DNMT3B: variants seen among roughly 807,000 people sequenced by gnomAD.
The protein encoded by DNMT3B is DNA (cytosine-5)-methyltransferase 3B.
A neutral mutation model predicts 120.2 loss-of-function variants in DNMT3B; 37 were observed. That is an observed-to-expected ratio of 0.31 (90% CI 0.24 to 0.40). DNMT3B has a LOEUF of 0.40. Among genes scored for constraint, DNMT3B ranks in the 10% least tolerant of loss-of-function variants. The pLI, the probability that DNMT3B is intolerant of heterozygous loss-of-function variation, is 1.00. For missense variants in DNMT3B, 878 were observed against 1,137.3 expected, an observed-to-expected ratio of 0.77 and a Z score of 3.28; for synonymous variants, 412 against 442.8, an observed-to-expected ratio of 0.93 and a Z score of 0.87.
At position 32,795,970 on chromosome 20, in the gene DNMT3B, A is replaced by G. The variant is rs369259746; in HGVS notation, c.1297+276A>G. On this transcript the variant is annotated intron_variant, in intron 12 of 22. Coordinates refer to ENST00000328111, the MANE Select transcript of DNMT3B (RefSeq NM_006892.4). ...AGAGCCATAACCTAAAACCAAGATT[A>G]CTGGTATCATGAACCTTCCCAAAGA... Among the ~76,000 whole-genome samples, 83 of 152,340 alleles carry G rather than the reference A, an allele frequency of 5.4e-4. 1 individual carries two copies. In the South Asian group the frequency reaches 0.016, roughly 29 times the overall value.
chr20:32,781,970 G>A (rs758349397), intron 3 of DNMT3B, among the ~76,000 whole-genome samples: 1 of 152,198 alleles, frequency 6.6e-6, no homozygotes, highest in Non-Finnish European at 1.5e-5. Context: ...TGGCAATTCA[G>A]TTATGCCAAA....
chr20:32,768,565 G>A (rs929664556), intron 1 of DNMT3B, among the ~76,000 whole-genome samples: 7 of 152,090 alleles, frequency 4.6e-5, no homozygotes, highest in Admixed American at 2.0e-4. Context: ...AGGCTCAAGT[G>A]TAATCCCAAA....
intron 1 of DNMT3B, among the ~76,000 whole-genome samples, chr20:32,771,461 T>G (rs1158290456): frequency 1.3e-5 from 2 of 152,008 alleles, no homozygotes; most frequent in African/African-American, 2.4e-5. Flanking sequence ...GCCAGCATAC[T>G]GAAACCCTAT....
At chr20:32,804,480 T>G (rs1981734075) in intron 20 of DNMT3B, among the ~76,000 whole-genome samples, 1 of 152,178 alleles carries the variant, frequency 6.6e-6, no homozygotes, top group South Asian at 2.1e-4. Context: ...ACGGTTCCCG[T>G]TCTCATGTCT....
At chr20:32,790,537 C>G (rs6057646) in intron 7 of DNMT3B, among the ~76,000 whole-genome samples, 1 of 151,978 alleles carries the variant, frequency 6.6e-6, no homozygotes, top group Non-Finnish European at 1.5e-5. Flanking sequence ...GGTTTCCCCC[C>G]ACCAGAGCCA....
At position 32,800,747 on chromosome 20, in the gene DNMT3B, G is replaced by A. The variant is rs1244694003; in HGVS notation, c.1906-88G>A. ...TGGGATTACAGGTGTGAGCCACCTC[G>A]TCCAGCCCCACGCAAGATTCTAGAA... On this transcript the variant is annotated intron_variant, in intron 17 of 22. Transcript: ENST00000328111. 27 of 1,452,880 alleles carry A rather than the reference G, an allele frequency of 1.9e-5. No individual in the cohort carries two copies. The South Asian group carries it at 2.2e-4, about 12-fold the overall frequency. The allele number at this position is 1,452,880 out of a possible 1,614,324, so 90.0% of individuals were successfully genotyped here. A position where few individuals can be genotyped will look rare whatever the true frequency, so the allele number is the denominator to read the frequency against.
At chr20:32,770,610 C>CATTT (rs58422530) in intron 1 of DNMT3B, among the ~76,000 whole-genome samples, 5 of 144,784 alleles carry the variant, frequency 3.5e-5, no homozygotes, top group Non-Finnish European at 3.0e-5. Context: ...CTCCGCCTTA[C>CATTT]TTTTTTTTTT....
In DNMT3B at chr20:32,765,758, CT is replaced by C. The variant is rs532836566; in HGVS notation, c.-7+3074del. 1.4e-3 allele frequency among the ~76,000 whole-genome samples: 94 copies of C among 67,124 alleles called. 1 individual carries two copies. The highest frequency in any genetic ancestry group is 0.013 in the African/African-American group (60 of 4,770). The allele number at this position is 67,124 out of a possible 152,430, so 44.0% of individuals were successfully genotyped here. On this transcript the variant is annotated intron_variant, in intron 1 of 22. Coordinates refer to ENST00000328111, the MANE Select transcript of DNMT3B (RefSeq NM_006892.4). The stretch of plus-strand genomic sequence containing the variant: ...TTATTTATTTATTTTTTCTTTTTTT[CT>C]TTTTTTTTTTTTTTGAGACGGAGTC...
intron 1 of DNMT3B, among the ~76,000 whole-genome samples, chr20:32,774,508 C>CT (rs386393640): frequency 0.041 from 4,026 of 98,500 alleles, 126 homozygotes; most frequent in African/African-American, 0.061. Flanking sequence ...CGCGCCTGGC[C>CT]TTTTTTTTTT....
At chr20:32,787,477 AG>A in intron 6 of DNMT3B, 26 bp downstream of exon 6, 1 of 1,604,098 alleles carries the variant, frequency 6.2e-7, no homozygotes, top group Non-Finnish European at 8.5e-7. Flanking sequence ...GCTCCTGCCC[AG>A]GGTGACTGAG....
intron 14 of DNMT3B, 49 bp downstream of exon 14, chr20:32,797,348 C>CT: frequency 2.5e-6 from 4 of 1,570,454 alleles, no homozygotes; most frequent in Non-Finnish European, 3.5e-6. Flanking sequence ...CCCAAGGCTC[C>CT]TACGTTCCTG....
rs79258868 is a variant in DNMT3B at position 32,767,834 on chromosome 20, A to G, written c.-7+5135A>G. ...GAGGGGACTTGGGAGTCAAGGGTCTAACTCTTCCTTTGGAAGAAGGCCTCT... is the reference window on the plus strand; with the variant it reads ...GAGGGGACTTGGGAGTCAAGGGTCTGACTCTTCCTTTGGAAGAAGGCCTCT... On this transcript the variant is annotated intron_variant, in intron 1 of 22. Coordinates refer to ENST00000328111, the MANE Select transcript of DNMT3B (RefSeq NM_006892.4). Among the ~76,000 whole-genome samples the G allele has an allele frequency of 8.7e-4, 133 of 152,316 alleles. 1 individual carries two copies. The East Asian group carries it at 0.025, about 28-fold the overall frequency.
intron 18 of DNMT3B, 152 bp from the exon 19 acceptor site, chr20:32,801,126 T>A: frequency 7.9e-7 from 1 of 1,270,286 alleles, no homozygotes; most frequent in South Asian, 1.2e-5. Flanking sequence ...TGCTGCTGCC[T>A]GTGTCCCTGC....
At chr20:32,770,035 A>G (rs1987623400) in intron 1 of DNMT3B, among the ~76,000 whole-genome samples, 1 of 152,138 alleles carries the variant, frequency 6.6e-6, no homozygotes, top group Non-Finnish European at 1.5e-5. Flanking sequence ...CCAATGCTCC[A>G]GCAGTCCTCC....
intron 13 of DNMT3B, 66 bp from the exon 14 acceptor site, chr20:32,797,121 A>G: frequency 6.2e-7 from 1 of 1,607,154 alleles, no homozygotes; most frequent in East Asian, 2.2e-5. Flanking sequence ...GGCCTCCACC[A>G]GCAAGCCGGC....
rs764811612 is a variant in DNMT3B, at chr20:32,788,922, C to T, written c.723C>T (p.Ala241=). ...TCAAGGGCTTCTCCTGGTGGCCCGCCATGGTGGTGTCTTGGAAGGCCACCT... is the reference window on the plus strand; with the variant it reads ...TCAAGGGCTTCTCCTGGTGGCCCGCTATGGTGGTGTCTTGGAAGGCCACCT... ...GKIKGFSWWP[A]MVVSWKATSK... Residue 241 remains alanine, a synonymous_variant, in exon 7 of 23, where the codon GCC becomes GCT. Coordinates refer to ENST00000328111, the MANE Select transcript of DNMT3B (RefSeq NM_006892.4). The T allele has an allele frequency of 6.2e-7, 1 of 1,613,940 alleles. No individual in the cohort carries two copies. Among genetic ancestry groups the T allele is most frequent in the Non-Finnish European group, 8.5e-7 (1 of 1,179,988 alleles).
Position 32,807,788 on chromosome 20 carries a change from C to T in DNMT3B, c.2447C>T (p.Thr816Ile), listed in dbSNP as rs765258381. Residue 816 changes from threonine to isoleucine, a missense_variant, in exon 23 of 23, where the codon ACA becomes ATA. Coordinates refer to ENST00000328111, the MANE Select transcript of DNMT3B (RefSeq NM_006892.4). ...ATCTTTGGCTTTCCTGTGCACTACA[C>T]AGACGTGTCCAACATGGGCCGTGGT... ...ERIFGFPVHY[T>I]DVSNMGRGAR... The T allele has an allele frequency of 6.2e-7, 1 of 1,614,060 alleles. No individual in the cohort carries two copies. The highest frequency in any genetic ancestry group is 1.3e-5 in the African/African-American group (1 of 74,936).
At chr20:32,768,669 C>T (rs1020995762) in intron 1 of DNMT3B, among the ~76,000 whole-genome samples, 1 of 152,092 alleles carries the variant, frequency 6.6e-6, no homozygotes, top group Non-Finnish European at 1.5e-5. Context: ...TAGTAGAACT[C>T]ATCTGAATGG....
chr20:32,787,766 C>A (rs4911109), intron 6 of DNMT3B, among the ~76,000 whole-genome samples: 60,234 of 152,010 alleles, frequency 0.4, 13,179 homozygotes, highest in East Asian at 0.92. Flanking sequence ...AAGAGACCAC[C>A]AAACAGGCTT....
Sources: gnomAD v4.1 joint callset for allele counts (sites outside exome capture counted in the v4.1 genomes callset) on GRCh38, gnomAD v4.1.1 for gene constraint, MANE v1.5 for transcripts, NCBI Gene and HGNC (gene_info 2026-07-23, HGNC 2026-07-21) for gene names.